RND2: variants seen among roughly 807,000 people sequenced by gnomAD.
RND2 encodes Rho family GTPase 2, also known as rho-related GTP-binding protein RhoN.
In RND2, 16 loss-of-function variants were observed where a neutral mutation model predicts 25.9. The observed-to-expected ratio is 0.62, with a 90% CI of 0.42 to 0.94. The LOEUF (loss-of-function observed/expected upper bound fraction) is 0.94, where lower values mean the gene tolerates loss of function less well. Among genes scored for constraint, RND2 ranks in the 40% least tolerant of loss-of-function variants. The probability of loss-of-function intolerance (pLI) is 0.00; values close to 1 mark genes in which losing one functional copy is unlikely to be tolerated. For missense variants in RND2, 276 were observed against 305.5 expected (o/e 0.90, Z 0.72); for synonymous variants, 97 against 118.1 (o/e 0.82, Z 1.16).
chr17:43,028,205 T>C lies in RND2; in HGVS notation c.435+10T>C. 6.2e-7 allele frequency: 1 copy of C among 1,614,062 alleles called. No homozygotes were observed. Among genetic ancestry groups the C allele is most frequent in the Non-Finnish European group, 8.5e-7 (1 of 1,179,984 alleles). Reference sequence around the variant, plus strand: ...TGTTACACATGAGCAGGTGGGACCCTTGACGTCTGACCTCATCCCAGCCTA... The same window carrying C: ...TGTTACACATGAGCAGGTGGGACCCCTGACGTCTGACCTCATCCCAGCCTA... On this transcript the variant is annotated intron_variant, in intron 4 of 4. Coordinates refer to ENST00000587250, the MANE Select transcript of RND2 (RefSeq NM_005440.5).
rs1396431638 is a variant in RND2 at position 43,029,249 on chromosome 17, T to C, written c.*569T>C. ...GAAAACGGCTGTGGCTTTAGTTTTG[T>C]TGCTTTTTAAAAAAATCAATCTACC... is the stretch of plus-strand genomic sequence containing the variant. On this transcript the variant is annotated 3_prime_UTR_variant, in exon 5 of 5. Transcript: ENST00000587250. 1 of 153,592 alleles carries C rather than the reference T, an allele frequency of 6.5e-6. No individual in the cohort carries two copies. The highest frequency in any genetic ancestry group is 1.4e-5 in the Non-Finnish European group (1 of 69,126). 9.5% of individuals were successfully genotyped at this position (153,592 alleles called of 1,614,324 possible).
rs2050664885 is a variant in RND2 at position 43,030,618 on chromosome 17, T to C, written c.*1938T>C. On this transcript the variant is annotated 3_prime_UTR_variant, in exon 5 of 5. Transcript: ENST00000587250. The stretch of plus-strand genomic sequence containing the variant: ...AGTCCTGTGAGCCAGGTCCTGAGGG[T>C]TGAAGAGGAGTTTTCCGGGCAGGGA... The C allele has an allele frequency of 6.6e-6, 1 of 152,042 alleles. No individual in the cohort carries two copies. Among genetic ancestry groups the C allele is most frequent in the South Asian group, 2.1e-4 (1 of 4,804 alleles). The allele number at this position is 152,042 out of a possible 1,614,324, so 9.4% of individuals were successfully genotyped here.
intron 2 of RND2, chr17:43,026,248 A>C (rs926092778): frequency 5.5e-6 from 3 of 545,860 alleles, no homozygotes; most frequent in Non-Finnish European, 3.3e-6. Context: ...TGAAGGAGAA[A>C]GCCTAGGATC....
In RND2 at chr17:43,028,079, G is replaced by A. The variant is rs768639425; in HGVS notation, c.319G>A (p.Glu107Lys). The A allele has an allele frequency of 6.2e-7, 1 of 1,614,000 alleles. No individual in the cohort carries two copies. Among genetic ancestry groups the A allele is most frequent in the Non-Finnish European group, 8.5e-7 (1 of 1,179,958 alleles). ...TACATAGTGGCAAGGAGAGACTCAA[G>A]AGTTCTGCCCCAATGCCAAGGTTGT... The part of the protein sequence containing the change: ...VLKKWQGETQ[E>K]FCPNAKVVLV... The change falls in exon 4 of 5, where the codon GAG becomes AAG. Residue 107 changes from glutamate to lysine, a missense_variant. Coordinates refer to ENST00000587250, the MANE Select transcript of RND2 (RefSeq NM_005440.5).
chr17:43,029,921 AAAAAAAAG>A lies in RND2; in HGVS notation c.*1244_*1251del, dbSNP rs1232371499. On this transcript the variant is annotated 3_prime_UTR_variant, in exon 5 of 5. Transcript: ENST00000587250. ...TCTGTCTCCAAAAAAAAAAAAAAAA[AAAAAAAAG>A]AAGGCATCAAAAGCCTCCACATCAC... The A allele has an allele frequency of 2.4e-4, 36 of 151,924 alleles. No individual in the cohort carries two copies. The highest frequency in any genetic ancestry group is 8.2e-4 in the African/African-American group (34 of 41,350). The allele number at this position is 151,924 out of a possible 1,614,324, so 9.4% of individuals were successfully genotyped here. A position where few individuals can be genotyped will look rare whatever the true frequency, so the allele number is the denominator to read the frequency against.
chr17:43,025,714 A>G (rs889640215), intron 1 of RND2, among the ~76,000 whole-genome samples: 4 of 145,600 alleles, frequency 2.7e-5, no homozygotes, highest in African/African-American at 1.0e-4. Flanking sequence ...GTCCTGGGCA[A>G]TGGAGAGGGG....
In RND2 at chr17:43,031,235, C is replaced by T. The variant is rs1249080851; in HGVS notation, c.*2555C>T. 6.6e-6 allele frequency: 1 copy of T among 152,160 alleles called. No homozygotes were observed. The highest frequency in any genetic ancestry group is 1.5e-5 in the Non-Finnish European group (1 of 68,018). 9.4% of individuals were successfully genotyped at this position (152,160 alleles called of 1,614,324 possible). On this transcript the variant is annotated 3_prime_UTR_variant, in exon 5 of 5. Transcript: ENST00000587250. ...ACCACTCCCTGGATCATCAGATATCCCTATCCCAACCTCTCCTATGGGACT... is the reference window on the plus strand; with the variant it reads ...ACCACTCCCTGGATCATCAGATATCTCTATCCCAACCTCTCCTATGGGACT...
chr17:43,026,048 G>A lies in RND2; in HGVS notation c.190+1G>A, dbSNP rs1226695130. The stretch of plus-strand genomic sequence containing the variant: ...GAGCTCAACATGTGGGACACTTCAG[G>A]TAGCCAAGTCCCTGGGGGTCACCCT... On this transcript the variant is annotated splice_donor_variant, in intron 2 of 4. Transcript: ENST00000587250. LOFTEE classifies it high-confidence loss of function. 3 of 1,605,662 alleles carry A rather than the reference G, an allele frequency of 1.9e-6. No individual in the cohort carries two copies. The highest frequency in any genetic ancestry group is 1.7e-5 in the Admixed American group (1 of 59,832).
In RND2 at chr17:43,028,512, T is replaced by C; in HGVS notation, c.516T>C (p.Asp172=). 1 of 1,614,236 alleles carries C rather than the reference T, an allele frequency of 6.2e-7. No individual in the cohort carries two copies. Among genetic ancestry groups the C allele is most frequent in the African/African-American group, 1.3e-5 (1 of 75,058 alleles). The change falls in exon 5 of 5, where the codon GAT becomes GAC. Residue 172 remains aspartate (D), a synonymous_variant. Coordinates refer to ENST00000587250, the MANE Select transcript of RND2 (RefSeq NM_005440.5). The part of the protein sequence containing the change: ...SSRSSERSVR[D]VFHVATVASL... Reference sequence around the variant, plus strand: ...GGTCCTCTGAGCGCAGCGTCAGGGATGTCTTCCATGTGGCTACAGTGGCCT... The same window carrying C: ...GGTCCTCTGAGCGCAGCGTCAGGGACGTCTTCCATGTGGCTACAGTGGCCT...
chr17:43,025,256 G>A lies in RND2; in HGVS notation c.-92G>A, dbSNP rs1043137416. On this transcript the variant is annotated 5_prime_UTR_variant, in exon 1 of 5. Transcript: ENST00000587250. ...GCGGGCCCGCGAGATGCCGGTGTTG[G>A]CGGCCCGAGCGGCTGCAGTTGCAGG... 1.8e-6 allele frequency: 2 copies of A among 1,134,836 alleles called. No homozygotes were observed. The highest frequency in any genetic ancestry group is 2.3e-6 in the Non-Finnish European group (2 of 881,100). 70.3% of individuals were successfully genotyped at this position (1,134,836 alleles called of 1,614,324 possible).
intron 2 of RND2, among the ~76,000 whole-genome samples, chr17:43,026,594 A>G (rs985878341): frequency 4.6e-5 from 7 of 152,196 alleles, no homozygotes; most frequent in Non-Finnish European, 1.0e-4. Context: ...GGCTGCAGTG[A>G]GCCGAGATCA....
chr17:43,027,396 C>A, intron 3 of RND2, 104 bp downstream of exon 3: 1 of 737,978 alleles, frequency 1.4e-6, no homozygotes, highest in East Asian at 2.7e-5. Context: ...GGGGTATGGC[C>A]ATCAGCTGGT....
Position 43,025,293 on chromosome 17 carries a change from C to A in RND2, c.-55C>A, listed in dbSNP as rs1567749234. On this transcript the variant is annotated 5_prime_UTR_variant, in exon 1 of 5. Coordinates refer to ENST00000587250, the MANE Select transcript of RND2 (RefSeq NM_005440.5). ...GCTGCAGTTGCAGGGGCGGGGGAGGCGGCGGCGGGGCCCGGGAGAGGGGTG... is the reference window on the plus strand; with the variant it reads ...GCTGCAGTTGCAGGGGCGGGGGAGGAGGCGGCGGGGCCCGGGAGAGGGGTG... 11 of 1,403,990 alleles carry A rather than the reference C, an allele frequency of 7.8e-6. No individual in the cohort carries two copies. The Admixed American group carries it at 9.4e-5, about 12-fold the overall frequency. 87.0% of individuals were successfully genotyped at this position (1,403,990 alleles called of 1,614,324 possible).
Position 43,027,247 on chromosome 17 carries a change from C to T in RND2, c.255C>T (p.Cys85=). The T allele has an allele frequency of 1.9e-6, 3 of 1,613,224 alleles. No individual in the cohort carries two copies. The African/African-American group carries it at 4.0e-5, about 22-fold the overall frequency. ...AYPDSDAVLI[C]FDISRPETLD... Reference sequence around the variant, plus strand: ...CTGATTCTGATGCTGTGCTCATCTGCTTCGACATTAGCCGACCAGAAACAC... The same window carrying T: ...CTGATTCTGATGCTGTGCTCATCTGTTTCGACATTAGCCGACCAGAAACAC... Residue 85 remains cysteine, a synonymous_variant, in exon 3 of 5, where the codon TGC becomes TGT. Transcript: ENST00000587250.
At position 43,028,428 on chromosome 17, in the gene RND2, C is replaced by T. The variant is rs755278229; in HGVS notation, c.436-4C>T. On this transcript the variant is annotated splice_region_variant and splice_polypyrimidine_tract_variant and intron_variant, in intron 4 of 4. Transcript: ENST00000587250. ...TTTCTCCCATGCACTCCTTCCTTTTCCAGGGCACTGTGCTGGCCAAGCAGG... is the reference window on the plus strand; with the variant it reads ...TTTCTCCCATGCACTCCTTCCTTTTTCAGGGCACTGTGCTGGCCAAGCAGG... 1.2e-6 allele frequency: 2 copies of T among 1,612,010 alleles called. No homozygotes were observed. The highest frequency in any genetic ancestry group is 4.5e-5 in the East Asian group (2 of 44,792).
rs369361646 is a variant in RND2, at chr17:43,028,131, G to A, written c.371G>A (p.Arg124Gln). The A allele has an allele frequency of 1.7e-5, 28 of 1,613,984 alleles. No individual in the cohort carries two copies. The highest frequency in any genetic ancestry group is 1.6e-4 in the Middle Eastern group (1 of 6,084). Residue 124 changes from arginine (R) to glutamine (Q), a missense_variant, in exon 4 of 5, where the codon CGG (arginine) becomes CAG (glutamine). Transcript: ENST00000587250. Reference protein sequence around the residue: ...VVLVGCKLDMRTDLATLRELS... With the variant: ...VVLVGCKLDMQTDLATLRELS... ...CTGGTTGGCTGTAAACTGGACATGCGGACTGACCTGGCCACACTGAGGGAG... is the reference window on the plus strand; with the variant it reads ...CTGGTTGGCTGTAAACTGGACATGCAGACTGACCTGGCCACACTGAGGGAG...
intron 4 of RND2, 90 bp downstream of exon 4, chr17:43,028,285 A>G: frequency 4.4e-6 from 7 of 1,595,282 alleles, no homozygotes; most frequent in Non-Finnish European, 6.0e-6. Flanking sequence ...TACCTGGCTC[A>G]TCCTTTGTTC....
chr17:43,027,080 C>T, intron 2 of RND2, 103 bp from the exon 3 acceptor site: 1 of 692,246 alleles, frequency 1.4e-6, no homozygotes, highest in Non-Finnish European at 2.4e-6. Context: ...TTGCTCTTTT[C>T]CATTCTCTGC....
chr17:43,025,922 G>C (rs1208153892), intron 1 of RND2, 38 bp from the exon 2 acceptor site: 1 of 1,506,062 alleles, frequency 6.6e-7, no homozygotes, highest in East Asian at 2.3e-5. Flanking sequence ...GTGAGGACTT[G>C]GAGAGATGAT....
Sources: allele counts gnomAD v4.1 joint callset (sites outside exome capture counted in the v4.1 genomes callset), GRCh38; gene constraint gnomAD v4.1.1; transcripts MANE v1.5; gene names NCBI Gene and HGNC (gene_info 2026-07-23, HGNC 2026-07-21).